The following KCND2 variants were observed in gnomAD, a reference collection of about 807,000 sequenced individuals.
KCND2 encodes A-type voltage-gated potassium channel KCND2.
KCND2 carries 16 observed loss-of-function variants against 54.4 expected under a neutral mutation model. The observed-to-expected ratio is 0.29, with a 90% CI of 0.20 to 0.45. The LOEUF is 0.45. KCND2 is among the 20% of genes least tolerant of loss of function. KCND2 has a pLI of 1.00. For missense variants in KCND2, 486 were observed against 824.2 expected (o/e 0.59, Z 5.02); for synonymous variants, 317 against 310.7 (o/e 1.02, Z -0.21).
Position 120,275,054 on chromosome 7 carries a change from G to T in KCND2, c.422G>T (p.Arg141Met). 6.2e-7 allele frequency: 1 copy of T among 1,613,998 alleles called. No homozygotes were observed. Among genetic ancestry groups the T allele is most frequent in the Admixed American group, 1.7e-5 (1 of 60,024 alleles). Residue 141 changes from arginine (R) to methionine (M), a missense_variant, in exon 1 of 6, where the codon AGG becomes ATG. This residue lies in a region of KCND2 where 231 missense variants were observed against 386.0 expected (regional missense o/e 0.60). Transcript: ENST00000331113. ...DCCYEEYKDRRRENAERLQDD... is the reference protein window; with the variant it reads ...DCCYEEYKDRMRENAERLQDD... ...TGTTATGAGGAGTACAAGGATCGCAGGCGAGAGAACGCCGAGCGCCTGCAG... is the reference window on the plus strand; with the variant it reads ...TGTTATGAGGAGTACAAGGATCGCATGCGAGAGAACGCCGAGCGCCTGCAG...
At chr7:120,487,083 C>T (rs1802705654) in intron 1 of KCND2, among the ~76,000 whole-genome samples, 1 of 152,222 alleles carries the variant, frequency 6.6e-6, no homozygotes, top group South Asian at 2.1e-4. Context: ...ATGTGAAAAA[C>T]ACAGTGCAGG....
In KCND2 at chr7:120,548,165, G is replaced by A. The variant is rs1024434701; in HGVS notation, c.1116-184738G>A. Reference sequence around the variant, plus strand: ...GCTAGTAGGATTTCCAACAGAACATGGGTTTATGTGGGTAATGAAGATCCA... The same window carrying A: ...GCTAGTAGGATTTCCAACAGAACATAGGTTTATGTGGGTAATGAAGATCCA... On this transcript the variant is annotated intron_variant, in intron 1 of 5. Coordinates refer to ENST00000331113, the MANE Select transcript of KCND2 (RefSeq NM_012281.3). 1.2e-4 allele frequency among the ~76,000 whole-genome samples: 19 copies of A among 152,204 alleles called. No homozygotes were observed. In the South Asian group the frequency reaches 1.7e-3, roughly 13 times the overall value.
At chr7:120,587,517 A>G (rs530758435) in intron 1 of KCND2, among the ~76,000 whole-genome samples, 198 of 152,264 alleles carry the variant, frequency 1.3e-3, no homozygotes, top group Non-Finnish European at 2.5e-3. Flanking sequence ...CACATCTCCT[A>G]ATGACTTACA....
At chr7:120,346,323 TG>T (rs1459634918) in intron 1 of KCND2, among the ~76,000 whole-genome samples, 3 of 152,292 alleles carry the variant, frequency 2.0e-5, no homozygotes, top group African/African-American at 7.2e-5. Context: ...CAAAATTTTT[TG>T]CCTTGAGTGA....
At chr7:120,651,618 C>T (rs749448854) in intron 1 of KCND2, among the ~76,000 whole-genome samples, 13 of 152,168 alleles carry the variant, frequency 8.5e-5, no homozygotes, top group Middle Eastern at 3.2e-3. Context: ...GCTGCACCCA[C>T]TGTCCTGCAC....
chr7:120,447,398 G>A (rs1802032247), intron 1 of KCND2, among the ~76,000 whole-genome samples: 1 of 151,756 alleles, frequency 6.6e-6, no homozygotes, highest in South Asian at 2.1e-4. Flanking sequence ...AGAAAGACTT[G>A]TTAAAGAAGC....
At position 120,335,468 on chromosome 7, in the gene KCND2, CTTATTTAT is replaced by C. The variant is rs757550470; in HGVS notation, c.1115+59751_1115+59758del. Among the ~76,000 whole-genome samples, 593 of 110,656 alleles carry C rather than the reference CTTATTTAT, an allele frequency of 5.4e-3. 1 individual carries two copies. The highest frequency in any genetic ancestry group is 0.019 in the African/African-American group (444 of 23,408). 72.6% of individuals were successfully genotyped at this position (110,656 alleles called of 152,430 possible). A position where few individuals can be genotyped will look rare whatever the true frequency, so the allele number is the denominator to read the frequency against. On this transcript the variant is annotated intron_variant, in intron 1 of 5. Coordinates refer to ENST00000331113, the MANE Select transcript of KCND2 (RefSeq NM_012281.3). ...ATTTATTTATTTATTTACTTACTTACTTATTTATTTATTTATTTATTTATTTATTTATT... is the reference window on the plus strand; with the variant it reads ...ATTTATTTATTTATTTACTTACTTACTTATTTATTTATTTATTTATTTATT...
intron 1 of KCND2, among the ~76,000 whole-genome samples, chr7:120,353,473 A>G (rs1203902852): frequency 6.6e-6 from 1 of 152,164 alleles, no homozygotes; most frequent in Non-Finnish European, 1.5e-5. Flanking sequence ...GCAAGGGATT[A>G]TAGAGAAAGG....
At chr7:120,644,662 G>A (rs564799903) in intron 1 of KCND2, among the ~76,000 whole-genome samples, 7 of 152,224 alleles carry the variant, frequency 4.6e-5, no homozygotes, top group Admixed American at 1.3e-4. Flanking sequence ...ATCACAAAAC[G>A]TCAATTAAGA....
chr7:120,428,777 G>A (rs564603294), intron 1 of KCND2, among the ~76,000 whole-genome samples: 22 of 152,296 alleles, frequency 1.4e-4, no homozygotes, highest in African/African-American at 5.3e-4. Flanking sequence ...CAAATGAGCA[G>A]CAATGGTTAT....
intron 1 of KCND2, among the ~76,000 whole-genome samples, chr7:120,374,583 T>C (rs149879525): frequency 4.9e-4 from 74 of 151,908 alleles, no homozygotes; most frequent in Non-Finnish European, 9.1e-4. Context: ...TCTTAATATA[T>C]ACTTTGATCT....
chr7:120,501,682 G>A (rs1802937040), intron 1 of KCND2, among the ~76,000 whole-genome samples: 1 of 152,120 alleles, frequency 6.6e-6, no homozygotes, highest in African/African-American at 2.4e-5. Flanking sequence ...CCTGGGAACT[G>A]CAGATATGCT....
chr7:120,296,117 A>G (rs759475628), intron 1 of KCND2, among the ~76,000 whole-genome samples: 3 of 152,118 alleles, frequency 2.0e-5, no homozygotes, highest in Non-Finnish European at 2.9e-5. Context: ...AAAGTTTGGC[A>G]TATCTCTTTC....
At chr7:120,493,594 A>G (rs1300991972) in intron 1 of KCND2, among the ~76,000 whole-genome samples, 1 of 152,134 alleles carries the variant, frequency 6.6e-6, no homozygotes, top group African/African-American at 2.4e-5. Context: ...AGAAAAACAC[A>G]GACACCAGAA....
chr7:120,537,927 A>G (rs1012449982), intron 1 of KCND2, among the ~76,000 whole-genome samples: 1 of 152,142 alleles, frequency 6.6e-6, no homozygotes, highest in Non-Finnish European at 1.5e-5. Flanking sequence ...GTTTCACTTT[A>G]TTATCATTCA....
At chr7:120,316,453 C>T (rs896647823) in intron 1 of KCND2, among the ~76,000 whole-genome samples, 3 of 152,162 alleles carry the variant, frequency 2.0e-5, no homozygotes, top group African/African-American at 7.2e-5. Flanking sequence ...TAAATCAAAA[C>T]TCATTTGTGA....
intron 1 of KCND2, among the ~76,000 whole-genome samples, chr7:120,549,340 A>G (rs1584823335): frequency 1.3e-5 from 2 of 152,228 alleles, no homozygotes; most frequent in South Asian, 4.1e-4. Context: ...GAAATTAGCT[A>G]TTTTCTATTG....
intron 1 of KCND2, among the ~76,000 whole-genome samples, chr7:120,310,284 G>A (rs1799718257): frequency 6.6e-6 from 1 of 152,008 alleles, no homozygotes; most frequent in African/African-American, 2.4e-5. Flanking sequence ...AAAAATTATA[G>A]GATAATATGA....
chr7:120,343,514 T>C (rs940153832), intron 1 of KCND2, among the ~76,000 whole-genome samples: 1 of 152,164 alleles, frequency 6.6e-6, no homozygotes, highest in African/African-American at 2.4e-5. Context: ...CTGTAGTATA[T>C]TCCAACAATG....
Sources: gnomAD v4.1 joint callset for allele counts (sites outside exome capture counted in the v4.1 genomes callset) on GRCh38, gnomAD v4.1.1 for gene constraint, gnomAD v4.1.1 regional missense constraint, MANE v1.5 for transcripts, NCBI Gene and HGNC (gene_info 2026-07-23, HGNC 2026-07-21) for gene names.